The following CACNA2D3 variants were observed in gnomAD, a reference collection of about 807,000 sequenced individuals.
CACNA2D3 encodes calcium voltage-gated channel auxiliary subunit alpha2delta 3.
In CACNA2D3, 60 loss-of-function variants were observed where a neutral mutation model predicts 160.6. The ratio of observed to expected loss-of-function variants is 0.37; its 90% CI spans 0.30 to 0.46. The LOEUF (loss-of-function observed/expected upper bound fraction) is 0.46. CACNA2D3 is among the 20% of genes least tolerant of loss of function. The probability of loss-of-function intolerance (pLI) is 1.00; values close to 1 mark genes in which losing one functional copy is unlikely to be tolerated. For synonymous variants in CACNA2D3, 558 were observed against 492.9 expected, an observed-to-expected ratio of 1.13 and a Z score of -1.75; for missense variants, 1,205 against 1,365.0, an observed-to-expected ratio of 0.88 and a Z score of 1.85.
Position 54,297,706 on chromosome 3 carries a change from C to T in CACNA2D3, c.205-22736C>T, listed in dbSNP as rs571003971. 8.5e-4 allele frequency among the ~76,000 whole-genome samples: 115 copies of T among 135,870 alleles called. 3 individuals carry two copies. The South Asian group carries it at 0.031, about 36-fold the overall frequency. 89.1% of individuals were successfully genotyped at this position (135,870 alleles called of 152,430 possible). ...GTTTTAATGTTGGTTCCCCTCTCCC[C>T]GCCACCAAAAAAAAAAAAAAAAAGA... On this transcript the variant is annotated intron_variant, in intron 2 of 37. Coordinates refer to ENST00000474759, the MANE Select transcript of CACNA2D3 (RefSeq NM_018398.3).
In CACNA2D3 at chr3:54,769,960, C is replaced by T. The variant is rs949637452; in HGVS notation, c.1380+5609C>T. On this transcript the variant is annotated intron_variant, in intron 13 of 37. Transcript: ENST00000474759. ...TCCCCAGAAAACACTGGGATTGTGC[C>T]GCACTAGCCAGGCAGAACCTTTCAC... Among the ~76,000 whole-genome samples, 8 of 152,062 alleles carry T rather than the reference C, an allele frequency of 5.3e-5. No individual in the cohort carries two copies. The South Asian group carries it at 1.2e-3, about 24-fold the overall frequency.
chr3:54,546,233 G>A (rs932473821), intron 5 of CACNA2D3, among the ~76,000 whole-genome samples: 52 of 152,256 alleles, frequency 3.4e-4, no homozygotes, highest in African/African-American at 1.1e-3. Context: ...CAGAAACCAG[G>A]TCACTGGTGA....
intron 11 of CACNA2D3, among the ~76,000 whole-genome samples, chr3:54,643,658 A>G (rs1699573202): frequency 6.6e-6 from 1 of 152,250 alleles, no homozygotes; most frequent in Admixed American, 6.5e-5. Flanking sequence ...GGTAACTTCC[A>G]GAGACAGGTA....
intron 21 of CACNA2D3, among the ~76,000 whole-genome samples, chr3:54,884,351 T>C (rs1051257346): frequency 6.6e-6 from 1 of 152,220 alleles, no homozygotes; most frequent in African/African-American, 2.4e-5. Flanking sequence ...TATGCAATGA[T>C]GTTCATTCTA....
At chr3:54,362,750 G>T (rs1698764205) in intron 3 of CACNA2D3, among the ~76,000 whole-genome samples, 1 of 152,210 alleles carries the variant, frequency 6.6e-6, no homozygotes, top group Non-Finnish European at 1.5e-5. Flanking sequence ...GGGCACAGCT[G>T]AACAGCGGTG....
chr3:54,597,354 T>A (rs1261342431), intron 9 of CACNA2D3, among the ~76,000 whole-genome samples: 1 of 152,118 alleles, frequency 6.6e-6, no homozygotes, highest in African/African-American at 2.4e-5. Flanking sequence ...TTGCCCTGAT[T>A]TTTGGGAGCC....
At chr3:54,518,054 C>T (rs139309691) in intron 5 of CACNA2D3, among the ~76,000 whole-genome samples, 1 of 152,124 alleles carries the variant, frequency 6.6e-6, no homozygotes, top group Non-Finnish European at 1.5e-5. Flanking sequence ...CCATAAGTAT[C>T]GTGAATGGAA....
chr3:54,321,890 G>C lies in CACNA2D3; in HGVS notation c.321+1332G>C, dbSNP rs1322435289. ...AATTCACAGCTGCTCCAGCGACAGT[G>C]GTGTGCAAGTGCTTATTTTCTGAAA... On this transcript the variant is annotated intron_variant, in intron 3 of 37. Coordinates refer to ENST00000474759, the MANE Select transcript of CACNA2D3 (RefSeq NM_018398.3). 4.0e-5 allele frequency among the ~76,000 whole-genome samples: 6 copies of C among 148,336 alleles called. No individual in the cohort carries two copies. The South Asian group carries it at 1.3e-3, about 32-fold the overall frequency.
chr3:54,141,084 T>TGCGC (rs1392359370), intron 2 of CACNA2D3, among the ~76,000 whole-genome samples: 9 of 112,382 alleles, frequency 8.0e-5, no homozygotes, highest in African/African-American at 3.0e-4. Context: ...TGTGTGTGTG[T>TGCGC]GTGCGCGCGC....
At chr3:54,362,017 G>C (rs1270813663) in intron 3 of CACNA2D3, among the ~76,000 whole-genome samples, 1 of 152,208 alleles carries the variant, frequency 6.6e-6, no homozygotes, top group Non-Finnish European at 1.5e-5. Flanking sequence ...ATTATGATAT[G>C]CTCAGCATTT....
At chr3:54,318,356 A>C (rs1434423299) in intron 2 of CACNA2D3, among the ~76,000 whole-genome samples, 2 of 152,218 alleles carry the variant, frequency 1.3e-5, no homozygotes, top group Non-Finnish European at 2.9e-5. Flanking sequence ...AGAGAAACTC[A>C]TAAGATTTTT....
chr3:54,262,099 T>C (rs68096550), intron 2 of CACNA2D3, among the ~76,000 whole-genome samples: 28,802 of 152,134 alleles, frequency 0.19, 2,892 homozygotes, highest in Admixed American at 0.23. Flanking sequence ...TATTTCACTT[T>C]AGCACGTTCC....
At chr3:54,247,794 C>T (rs1702108836) in intron 2 of CACNA2D3, among the ~76,000 whole-genome samples, 1 of 152,110 alleles carries the variant, frequency 6.6e-6, no homozygotes. Context: ...ATTGGGATGT[C>T]ACATCTGAGA....
chr3:54,626,669 G>GCACATGGT, intron 9 of CACNA2D3: 1 of 692,800 alleles, frequency 1.4e-6, no homozygotes, highest in Non-Finnish European at 2.5e-6. Flanking sequence ...TAATAAAGGC[G>GCACATGGT]CACATGGTTC....
intron 17 of CACNA2D3, among the ~76,000 whole-genome samples, chr3:54,855,683 A>T (rs932298788): frequency 6.6e-6 from 1 of 152,186 alleles, no homozygotes; most frequent in Non-Finnish European, 1.5e-5. Context: ...TTATTGATTG[A>T]TTCATTCATT....
intron 27 of CACNA2D3, among the ~76,000 whole-genome samples, chr3:54,902,283 G>A (rs1441798904): frequency 6.6e-6 from 1 of 152,184 alleles, no homozygotes; most frequent in African/African-American, 2.4e-5. Context: ...GGGGTAGAAA[G>A]AGGTTTTTTT....
intron 9 of CACNA2D3, among the ~76,000 whole-genome samples, chr3:54,602,514 AAAAAAAAG>A (rs1703080609): frequency 6.6e-6 from 1 of 151,622 alleles, no homozygotes; most frequent in Non-Finnish European, 1.5e-5. Flanking sequence ...AAAAAAAAAA[AAAAAAAAG>A]GGAAAAAAGA....
intron 4 of CACNA2D3, among the ~76,000 whole-genome samples, chr3:54,501,280 A>G (rs913261497): frequency 2.0e-5 from 3 of 152,164 alleles, no homozygotes; most frequent in Non-Finnish European, 2.9e-5. Flanking sequence ...CACTGCTATT[A>G]TTCATTTCAC....
chr3:54,849,842 C>A (rs2049147030), intron 17 of CACNA2D3, among the ~76,000 whole-genome samples: 1 of 152,166 alleles, frequency 6.6e-6, no homozygotes, highest in Non-Finnish European at 1.5e-5. Context: ...TTTGTTTCGG[C>A]CCCTACAGCC....
Sources: allele counts gnomAD v4.1 joint callset (sites outside exome capture counted in the v4.1 genomes callset), GRCh38; gene constraint gnomAD v4.1.1; transcripts MANE v1.5; gene names NCBI Gene and HGNC (gene_info 2026-07-23, HGNC 2026-07-21).